Variants in FBXL7 observed in about 807,000 individuals in gnomAD.
FBXL7 encodes the protein F-box/LRR-repeat protein 7.
In FBXL7, 12 loss-of-function variants were observed where a neutral mutation model predicts 38.3. The observed-to-expected ratio is 0.31, with a 90% CI of 0.20 to 0.51. The LOEUF (loss-of-function observed/expected upper bound fraction) is 0.51, where lower values mean the gene tolerates loss of function less well. Among genes scored for constraint, FBXL7 ranks in the 20% least tolerant of loss-of-function variants. The pLI is 0.98. For synonymous variants in FBXL7, 297 were observed against 300.9 expected (o/e 0.99, Z 0.13); for missense variants, 567 against 676.4 (o/e 0.84, Z 1.79).
intron 2 of FBXL7, among the ~76,000 whole-genome samples, chr5:15,778,036 A>G (rs1464041970): frequency 6.6e-6 from 1 of 152,086 alleles, no homozygotes; most frequent in Non-Finnish European, 1.5e-5. Context: ...CCTATATTCA[A>G]AATTAGTCAG....
intron 2 of FBXL7, among the ~76,000 whole-genome samples, chr5:15,891,581 T>C (rs1294410152): frequency 6.6e-6 from 1 of 152,186 alleles, no homozygotes; most frequent in East Asian, 1.9e-4. Context: ...AATCAGCAAA[T>C]ATAAATGAGT....
At chr5:15,891,890 G>T (rs1018256173) in intron 2 of FBXL7, among the ~76,000 whole-genome samples, 1 of 152,202 alleles carries the variant, frequency 6.6e-6, no homozygotes, top group Non-Finnish European at 1.5e-5. Context: ...AACTTAGCAA[G>T]AGCTGTAGCC....
intron 2 of FBXL7, among the ~76,000 whole-genome samples, chr5:15,768,327 C>G (rs1316729908): frequency 6.6e-6 from 1 of 151,972 alleles, no homozygotes; most frequent in East Asian, 1.9e-4. Context: ...GTCAGGAGAT[C>G]GAGACCATCC....
chr5:15,863,412 T>A, intron 2 of FBXL7, among the ~76,000 whole-genome samples: 1 of 152,194 alleles, frequency 6.6e-6, no homozygotes, highest in East Asian at 1.9e-4. Context: ...TATATTCACA[T>A]AAATCAAGGC....
Position 15,639,854 on chromosome 5 carries a change from G to A in FBXL7, c.127+23782G>A, listed in dbSNP as rs1053711270. ...AAGGATCTGGAAGCTGGGGCCGAGG[G>A]AACACAGACAATGCTGGGTTGCTGA... On this transcript the variant is annotated intron_variant, in intron 2 of 3. Transcript: ENST00000504595. Among the ~76,000 whole-genome samples the A allele has an allele frequency of 2.0e-5, 3 of 152,080 alleles. No individual in the cohort carries two copies. In the East Asian group the frequency reaches 5.8e-4, roughly 29 times the overall value.
At chr5:15,912,477 C>CT (rs1741460642) in intron 2 of FBXL7, among the ~76,000 whole-genome samples, 5 of 148,998 alleles carry the variant, frequency 3.4e-5, no homozygotes, top group Non-Finnish European at 5.9e-5. Flanking sequence ...GCAGAAATCA[C>CT]CCGTCTTCTG....
chr5:15,890,606 A>G (rs1740863217), intron 2 of FBXL7, among the ~76,000 whole-genome samples: 1 of 152,142 alleles, frequency 6.6e-6, no homozygotes, highest in Admixed American at 6.5e-5. Flanking sequence ...CCTAGGTTGC[A>G]CGCCCTTTAT....
chr5:15,821,514 ACTTAACCT>A (rs1412767463), intron 2 of FBXL7, among the ~76,000 whole-genome samples: 2 of 152,236 alleles, frequency 1.3e-5, no homozygotes, highest in Non-Finnish European at 2.9e-5. Context: ...TGGGCAATTT[ACTTAACCT>A]CTCAGAACAT....
At position 15,821,250 on chromosome 5, in the gene FBXL7, T is replaced by A. The variant is rs533741742; in HGVS notation, c.128-106640T>A. On this transcript the variant is annotated intron_variant, in intron 2 of 3. Coordinates refer to ENST00000504595, the MANE Select transcript of FBXL7 (RefSeq NM_012304.5). ...TAGAAATATCTTTTCATAAAATAAT[T>A]TTTTTAGAAATATCTTTTTATAAAT... Among the ~76,000 whole-genome samples the A allele has an allele frequency of 8.5e-5, 13 of 152,256 alleles. No individual in the cohort carries two copies. The East Asian group carries it at 2.1e-3, about 25-fold the overall frequency.
chr5:15,712,112 C>G (rs1041408655), intron 2 of FBXL7, among the ~76,000 whole-genome samples: 1 of 152,142 alleles, frequency 6.6e-6, no homozygotes, highest in Non-Finnish European at 1.5e-5. Context: ...AGCAGATATA[C>G]AGAGGGGTTA....
At chr5:15,683,002 A>G (rs748177006) in intron 2 of FBXL7, among the ~76,000 whole-genome samples, 1 of 152,220 alleles carries the variant, frequency 6.6e-6, no homozygotes, top group African/African-American at 2.4e-5. Context: ...AGCCCTAATT[A>G]TCCCCTGTAA....
At chr5:15,869,557 A>G (rs1739862939) in intron 2 of FBXL7, among the ~76,000 whole-genome samples, 1 of 152,128 alleles carries the variant, frequency 6.6e-6, no homozygotes, top group Non-Finnish European at 1.5e-5. Context: ...TTGTTTTGGT[A>G]TCTTATCCAA....
chr5:15,862,887 C>T (rs747801226), intron 2 of FBXL7, among the ~76,000 whole-genome samples: 6 of 152,190 alleles, frequency 3.9e-5, no homozygotes, highest in Non-Finnish European at 7.4e-5. Context: ...CTGTCCCATA[C>T]TCCCTATCCT....
intron 2 of FBXL7, among the ~76,000 whole-genome samples, chr5:15,622,710 A>AT (rs1740695251): frequency 6.6e-6 from 1 of 151,952 alleles, no homozygotes; most frequent in Admixed American, 6.6e-5. Flanking sequence ...TGCTTATTTT[A>AT]TTTTTATTTT....
chr5:15,935,139 C>A (rs1286411476), intron 3 of FBXL7: 1 of 534,252 alleles, frequency 1.9e-6, no homozygotes, highest in East Asian at 5.5e-5. Context: ...AGGCCAGTGG[C>A]GTTGGAGGAA....
At chr5:15,637,590 A>G (rs1580425544) in intron 2 of FBXL7, among the ~76,000 whole-genome samples, 1 of 152,330 alleles carries the variant, frequency 6.6e-6, no homozygotes, top group East Asian at 1.9e-4. Flanking sequence ...AGCAACAGCT[A>G]ACCATTCTAT....
At chr5:15,583,968 A>G (rs1377970023) in intron 1 of FBXL7, among the ~76,000 whole-genome samples, 1 of 151,826 alleles carries the variant, frequency 6.6e-6, no homozygotes, top group Non-Finnish European at 1.5e-5. Flanking sequence ...ATGATCCCAA[A>G]CCTCACTTCT....
At chr5:15,916,503 G>A (rs1741588919) in intron 2 of FBXL7, among the ~76,000 whole-genome samples, 1 of 152,146 alleles carries the variant, frequency 6.6e-6, no homozygotes, top group Non-Finnish European at 1.5e-5. Flanking sequence ...TGCAACCCTT[G>A]GGGAACATCA....
At chr5:15,557,757 A>C (rs576730776) in intron 1 of FBXL7, among the ~76,000 whole-genome samples, 10 of 152,238 alleles carry the variant, frequency 6.6e-5, no homozygotes, top group Admixed American at 2.6e-4. Context: ...AAACCCAGGG[A>C]CCCCTGAGGG....
Sources: gnomAD v4.1 joint callset for allele counts (sites outside exome capture counted in the v4.1 genomes callset) on GRCh38, gnomAD v4.1.1 for gene constraint, MANE v1.5 for transcripts, NCBI Gene and HGNC (gene_info 2026-07-23, HGNC 2026-07-21) for gene names.